SPACA9: variants seen among roughly 807,000 people sequenced by gnomAD.
SPACA9 encodes sperm acrosome-associated protein 9.
In SPACA9, 14 loss-of-function variants were observed where a neutral mutation model predicts 12.5. The ratio of observed to expected loss-of-function variants is 1.12; its 90% confidence interval spans 0.74 to 1.75. The LOEUF is 1.75. SPACA9 is among the 40% of genes most tolerant of loss of function. The pLI is 0.00. For synonymous variants in SPACA9, 111 were observed against 114.1 expected (o/e 0.97, Z 0.17); for missense variants, 292 against 291.9 (o/e 1.00, Z 0.00).
rs1186108897 is a variant in SPACA9 at position 132,889,411 on chromosome 9, T to C, written c.*800T>C. On this transcript the variant is annotated 3_prime_UTR_variant, in exon 4 of 4. Transcript: ENST00000356311. ...CGGCATGTGGAACTCAGCGTGTTTA[T>C]TTTTTTATTTTTTGAGATGGAGTTT... The C allele has an allele frequency of 2.0e-6, 2 of 985,208 alleles. No homozygotes were observed. Among genetic ancestry groups the C allele is most frequent in the Non-Finnish European group, 2.4e-6 (2 of 829,770 alleles). 61.0% of individuals were successfully genotyped at this position (985,208 alleles called of 1,614,324 possible).
rs935032857 is a variant in SPACA9 at position 132,889,386 on chromosome 9, C to T, written c.*775C>T. ...CTCCCCTCCAGGATGGAGTGGGGGT[C>T]GGCATGTGGAACTCAGCGTGTTTAT... On this transcript the variant is annotated 3_prime_UTR_variant, in exon 4 of 4. Coordinates refer to ENST00000356311, the MANE Select transcript of SPACA9 (RefSeq NM_001316897.2). The T allele has an allele frequency of 4.1e-6, 4 of 985,294 alleles. No homozygotes were observed. Among genetic ancestry groups the T allele is most frequent in the African/African-American group, 3.5e-5 (2 of 57,232 alleles). The allele number at this position is 985,294 out of a possible 1,614,324, so 61.0% of individuals were successfully genotyped here.
chr9:132,889,975 T>C lies in SPACA9; in HGVS notation c.*1364T>C. ...TTCACAGGGGACGACTTAGCTTCTGTATTATTGTTGCTTCCTCAGGGGGAG... is the reference window on the plus strand; with the variant it reads ...TTCACAGGGGACGACTTAGCTTCTGCATTATTGTTGCTTCCTCAGGGGGAG... On this transcript the variant is annotated 3_prime_UTR_variant, in exon 4 of 4. Transcript: ENST00000356311. 6.6e-7 allele frequency: 1 copy of C among 1,519,726 alleles called. No homozygotes were observed. The allele number at this position is 1,519,726 out of a possible 1,614,324, so 94.1% of individuals were successfully genotyped here.
intron 2 of SPACA9, among the ~76,000 whole-genome samples, chr9:132,886,012 C>T (rs1844556093): frequency 6.6e-6 from 1 of 152,216 alleles, no homozygotes; most frequent in African/African-American, 2.4e-5. Flanking sequence ...TGAAGAGCCT[C>T]TCCCCCTTAC....
intron 1 of SPACA9, among the ~76,000 whole-genome samples, chr9:132,882,828 C>T (rs542688242): frequency 3.9e-5 from 6 of 152,090 alleles, no homozygotes; most frequent in East Asian, 3.9e-4. Flanking sequence ...GAGGGGCAGC[C>T]GAGTGTGGCA....
chr9:132,888,443 T>TGAGC lies in SPACA9; in HGVS notation c.502_505dup (p.Pro169ArgfsTer27). The TGAGC allele has an allele frequency of 6.2e-7, 1 of 1,612,870 alleles. No homozygotes were observed. The highest frequency in any genetic ancestry group is 8.5e-7 in the Non-Finnish European group (1 of 1,179,720). On this transcript the variant is annotated frameshift_variant, in exon 4 of 4. Transcript: ENST00000356311. LOFTEE classifies it low-confidence loss of function (END_TRUNC). This position sits in a 1 kb window ranked among gnomAD's most constrained non-coding sequence, Gnocchi z 5.0. ...CGCGCAAGGTGCTGCAGCACGTGAG[T>TGAGC]GAGCCCCAGGCGCACCAGGAGAGCA... is the stretch of plus-strand genomic sequence containing the variant.
At chr9:132,884,435 C>T (rs73550675) in intron 2 of SPACA9, among the ~76,000 whole-genome samples, 180 of 152,320 alleles carry the variant, frequency 1.2e-3, no homozygotes, top group African/African-American at 3.1e-3. Context: ...CATAGAAAAC[C>T]AGGGATTTAC....
chr9:132,885,924 G>A (rs771299439), intron 2 of SPACA9, among the ~76,000 whole-genome samples: 1 of 146,270 alleles, frequency 6.8e-6, no homozygotes, highest in Non-Finnish European at 1.5e-5. Context: ...CCCCACCCCC[G>A]CAATGCTCTG....
At chr9:132,879,723 G>A (rs565707752) in intron 1 of SPACA9, among the ~76,000 whole-genome samples, 1 of 152,292 alleles carries the variant, frequency 6.6e-6, no homozygotes, top group African/African-American at 2.4e-5. Flanking sequence ...CTCATCAGTT[G>A]TTGATCATAC....
At position 132,889,827 on chromosome 9, in the gene SPACA9, T is replaced by C; in HGVS notation, c.*1216T>C. The C allele has an allele frequency of 7.5e-7, 1 of 1,333,710 alleles. No individual in the cohort carries two copies. 82.6% of individuals were successfully genotyped at this position (1,333,710 alleles called of 1,614,324 possible). A position where few individuals can be genotyped will look rare whatever the true frequency, so the allele number is the denominator to read the frequency against. On this transcript the variant is annotated 3_prime_UTR_variant, in exon 4 of 4. Transcript: ENST00000356311. Reference sequence around the variant, plus strand: ...CCATGACAGAAGCCAGAATTCTGATTTTGTGGCTCCTGAGCAAGGGCGATG... The same window carrying C: ...CCATGACAGAAGCCAGAATTCTGATCTTGTGGCTCCTGAGCAAGGGCGATG...
At position 132,889,410 on chromosome 9, in the gene SPACA9, A is replaced by G. The variant is rs1455809389; in HGVS notation, c.*799A>G. ...TCGGCATGTGGAACTCAGCGTGTTT[A>G]TTTTTTTATTTTTTGAGATGGAGTT... is the stretch of plus-strand genomic sequence containing the variant. On this transcript the variant is annotated 3_prime_UTR_variant, in exon 4 of 4. Transcript: ENST00000356311. 2 of 984,550 alleles carry G rather than the reference A, an allele frequency of 2.0e-6. No homozygotes were observed. The highest frequency in any genetic ancestry group is 2.3e-4 in the East Asian group (2 of 8,782). The allele number at this position is 984,550 out of a possible 1,614,324, so 61.0% of individuals were successfully genotyped here. A position where few individuals can be genotyped will look rare whatever the true frequency, so the allele number is the denominator to read the frequency against.
rs1266942294 is a variant in SPACA9, at chr9:132,887,954, A to C, written c.348-336A>C. Among the ~76,000 whole-genome samples, 1 of 152,160 alleles carries C rather than the reference A, an allele frequency of 6.6e-6. No homozygotes were observed. The highest frequency in any genetic ancestry group is 2.4e-5 in the African/African-American group (1 of 41,436). On this transcript the variant is annotated intron_variant, in intron 3 of 3. Transcript: ENST00000356311. This position sits in a 1 kb window ranked among gnomAD's most constrained non-coding sequence, Gnocchi z 5.4. ...TCATCCTGACAGCCCGGGAGCCTGC[A>C]GCACAGTGGGCCAGAGCCTGGGGAA...
chr9:132,890,034 C>G, downstream of SPACA9: 2 of 1,403,342 alleles, frequency 1.4e-6, no homozygotes, highest in Admixed American at 2.6e-5. Flanking sequence ...TACCACCTCT[C>G]TGCCTGACTT....
At chr9:132,883,773 C>G (rs1187836300) in intron 1 of SPACA9, 138 bp from the exon 2 acceptor site, 8 of 637,786 alleles carry the variant, frequency 1.3e-5, no homozygotes, top group Non-Finnish European at 2.7e-6. Flanking sequence ...GCCTCGCTTT[C>G]TTCTGTGGGG....
Position 132,884,090 on chromosome 9 carries a change from A to G in SPACA9, c.143A>G (p.Gln48Arg), listed in dbSNP as rs1554809551. ...ATCCGGCCCATCTCCAGCATTGGAC[A>G]GGTGGGGCTCCCGACCCCCACCCCG... Reference protein sequence around the residue: ...DKIRPISSIGQVQSYMEHYCN... With the variant: ...DKIRPISSIGRVQSYMEHYCN... The change falls in exon 2 of 4, where the codon CAG (glutamine) becomes CGG (arginine). Residue 48 changes from glutamine to arginine, a missense_variant and splice_region_variant. Transcript: ENST00000356311. 3.7e-6 allele frequency: 6 copies of G among 1,611,666 alleles called. No individual in the cohort carries two copies. Among genetic ancestry groups the G allele is most frequent in the Non-Finnish European group, 5.1e-6 (6 of 1,177,976 alleles).
Position 132,888,292 on chromosome 9 carries a change from A to G in SPACA9, c.350A>G (p.Tyr117Cys). ...SNDLSSLRAK[Y>C]PHDVVNHLSC... is the part of the protein sequence containing the mutation. ...CCTGGCCCCCTGCCGTCCTGCAGAT[A>G]CCCTCATGATGTGGTGAACCACCTC... The change falls in exon 4 of 4, where the codon TAC (tyrosine) becomes TGC (cysteine). Residue 117 changes from tyrosine to cysteine, a missense_variant and splice_region_variant. Physicochemically the swap from Tyr to Cys is radical, Grantham distance 194. Coordinates refer to ENST00000356311, the MANE Select transcript of SPACA9 (RefSeq NM_001316897.2). The surrounding 1 kb of genome is among the most constrained non-coding windows in gnomAD (Gnocchi z 5.0). 6.2e-7 allele frequency: 1 copy of G among 1,605,220 alleles called. No homozygotes were observed. The highest frequency in any genetic ancestry group is 8.5e-7 in the Non-Finnish European group (1 of 1,174,410).
Position 132,883,901 on chromosome 9 carries a change from C to G in SPACA9, c.-37-10C>G. On this transcript the variant is annotated splice_polypyrimidine_tract_variant and intron_variant, in intron 1 of 3. Transcript: ENST00000356311. Reference sequence around the variant, plus strand: ...CCAGGACCTCATCACTATCCTCTGTCTCCCCATAGATTCCTCTTCTCCTGT... The same window carrying G: ...CCAGGACCTCATCACTATCCTCTGTGTCCCCATAGATTCCTCTTCTCCTGT... The G allele has an allele frequency of 6.2e-7, 1 of 1,602,974 alleles. No homozygotes were observed. The highest frequency in any genetic ancestry group is 1.1e-5 in the South Asian group (1 of 90,578).
At position 132,888,329 on chromosome 9, in the gene SPACA9, G is replaced by A; in HGVS notation, c.387G>A (p.Glu129=). ...HDVVNHLSCD[E]ARNHYGGVVS... Reference sequence around the variant, plus strand: ...TGGTGAACCACCTCAGCTGTGACGAGGCCCGGAACCACTACGGCGGCGTGG... The same window carrying A: ...TGGTGAACCACCTCAGCTGTGACGAAGCCCGGAACCACTACGGCGGCGTGG... Residue 129 remains glutamate (E), a synonymous_variant, in exon 4 of 4, where the codon GAG becomes GAA. Transcript: ENST00000356311. The surrounding 1 kb of genome is among the most constrained non-coding windows in gnomAD (Gnocchi z 5.0). 6.2e-7 allele frequency: 1 copy of A among 1,613,968 alleles called. No homozygotes were observed. Among genetic ancestry groups the A allele is most frequent in the South Asian group, 1.1e-5 (1 of 91,076 alleles).
At chr9:132,880,397 C>A (rs1403859462) in intron 1 of SPACA9, among the ~76,000 whole-genome samples, 1 of 152,178 alleles carries the variant, frequency 6.6e-6, no homozygotes, top group Admixed American at 6.5e-5. Flanking sequence ...ACATTCCTGG[C>A]GTGCATGTCA....
chr9:132,885,656 C>T (rs1480539298), intron 2 of SPACA9, among the ~76,000 whole-genome samples: 2 of 152,008 alleles, frequency 1.3e-5, no homozygotes, highest in Non-Finnish European at 2.9e-5. Context: ...GGAAAATAAA[C>T]TTCCTCTTCT....
Sources: gnomAD v4.1 joint callset for allele counts (sites outside exome capture counted in the v4.1 genomes callset) on GRCh38, gnomAD v4.1.1 for gene constraint, Gnocchi (gnomAD v3.1) non-coding constraint, MANE v1.5 for transcripts, NCBI Gene and HGNC (gene_info 2026-07-23, HGNC 2026-07-21) for gene names.